The following PARN variants were observed in gnomAD, a reference collection of about 807,000 sequenced individuals.
The protein encoded by PARN is poly(A)-specific ribonuclease, also known as poly(A)-specific ribonuclease PARN.
PARN carries 71 observed loss-of-function variants against 102.8 expected under a neutral mutation model. The ratio of observed to expected loss-of-function variants is 0.69; its 90% CI spans 0.57 to 0.84. The LOEUF (loss-of-function observed/expected upper bound fraction) is 0.84. PARN is among the 40% of genes least tolerant of loss of function. The pLI is 0.00. For missense variants in PARN, 782 were observed against 760.9 expected, an observed-to-expected ratio of 1.03 and a Z score of -0.33; for synonymous variants, 261 against 252.9, an observed-to-expected ratio of 1.03 and a Z score of -0.30.
At chr16:14,611,134 A>C (rs1231008683) in intron 6 of PARN, among the ~76,000 whole-genome samples, 2 of 152,248 alleles carry the variant, frequency 1.3e-5, no homozygotes, top group Non-Finnish European at 2.9e-5. Flanking sequence ...AAGTCAGGGA[A>C]AACCCAAAGG....
chr16:14,468,148 G>T (rs926434884), intron 22 of PARN, among the ~76,000 whole-genome samples: 5 of 152,302 alleles, frequency 3.3e-5, no homozygotes, highest in African/African-American at 9.6e-5. Flanking sequence ...GAGGGAGCAG[G>T]CATTTTGTAA....
At chr16:14,572,367 A>G (rs1411725410) in intron 18 of PARN, among the ~76,000 whole-genome samples, 2 of 152,160 alleles carry the variant, frequency 1.3e-5, no homozygotes, top group Non-Finnish European at 2.9e-5. Context: ...GTCACCCAAA[A>G]TAAGTTGACA....
chr16:14,604,112 T>C (rs1259234622), intron 11 of PARN, 34 bp downstream of exon 11: 2 of 1,272,878 alleles, frequency 1.6e-6, no homozygotes, highest in Admixed American at 1.9e-5. Context: ...TGTTGCCATT[T>C]CTCACCCCCC....
At chr16:14,615,772 G>A (rs561165358) in intron 6 of PARN, among the ~76,000 whole-genome samples, 21 of 152,104 alleles carry the variant, frequency 1.4e-4, no homozygotes, top group Non-Finnish European at 2.8e-4. Flanking sequence ...GTGGTGGCAT[G>A]TGCCTGTGGT....
chr16:14,583,280 C>T (rs1969640702), intron 16 of PARN, among the ~76,000 whole-genome samples: 1 of 152,038 alleles, frequency 6.6e-6, no homozygotes, highest in African/African-American at 2.4e-5. Context: ...TATCCTAGAA[C>T]CATTCTGGAA....
At chr16:14,552,603 G>A (rs1967377916) in intron 20 of PARN, among the ~76,000 whole-genome samples, 3 of 152,116 alleles carry the variant, frequency 2.0e-5, no homozygotes, top group Admixed American at 2.0e-4. Flanking sequence ...AGTGTCCCAA[G>A]TAGCTGGGAC....
Position 14,569,435 on chromosome 16 carries a change from CT to C in PARN, c.1262+11438del, listed in dbSNP as rs538209244. ...TACAGTTGAAAGACTAGAAACCTAG[CT>C]TTGGCAAGACAAATCTCCCGTCTGG... On this transcript the variant is annotated intron_variant, in intron 18 of 23. Transcript: ENST00000437198. 1.1e-3 allele frequency among the ~76,000 whole-genome samples: 160 copies of C among 152,248 alleles called. 1 individual carries two copies. The highest frequency in any genetic ancestry group is 3.8e-3 in the African/African-American group (159 of 41,534).
chr16:14,538,625 A>G (rs1966718462), intron 21 of PARN, among the ~76,000 whole-genome samples: 1 of 152,184 alleles, frequency 6.6e-6, no homozygotes. Flanking sequence ...ATTAAATTAG[A>G]GAGATTTATT....
intron 23 of PARN, among the ~76,000 whole-genome samples, chr16:14,444,848 C>T (rs965124297): frequency 6.6e-6 from 1 of 152,182 alleles, no homozygotes; most frequent in African/African-American, 2.4e-5. Flanking sequence ...GAGACAAGGT[C>T]TCACTGTGTC....
chr16:14,622,085 T>C (rs1972341713), intron 5 of PARN, among the ~76,000 whole-genome samples: 1 of 151,804 alleles, frequency 6.6e-6, no homozygotes, highest in African/African-American at 2.4e-5. Flanking sequence ...CCCAACTACT[T>C]GGGAGGCTGA....
chr16:14,568,235 C>T (rs1302673871), intron 18 of PARN, among the ~76,000 whole-genome samples: 1 of 141,710 alleles, frequency 7.1e-6, no homozygotes, highest in East Asian at 2.0e-4. Context: ...TTTTTTGAGA[C>T]GGAGTCTCGC....
chr16:14,523,872 C>G (rs1171331794), intron 21 of PARN, among the ~76,000 whole-genome samples: 1 of 151,886 alleles, frequency 6.6e-6, no homozygotes, highest in African/African-American at 2.4e-5. Context: ...TGTGTGAACA[C>G]CATAGGGAGC....
At chr16:14,492,207 C>T (rs1944695822) in intron 21 of PARN, among the ~76,000 whole-genome samples, 2 of 152,156 alleles carry the variant, frequency 1.3e-5, no homozygotes, top group Admixed American at 6.5e-5. Context: ...ATCTGAGCCC[C>T]GTAAAGGGGA....
chr16:14,620,303 G>A lies in PARN; in HGVS notation c.328-2653C>T, dbSNP rs574378650. On this transcript the variant is annotated intron_variant, in intron 5 of 23. Transcript: ENST00000437198. Reference sequence around the variant, plus strand: ...GAGGCAGGAGAATGGTGTGAACCAGGGAGGCGGAGCTTGCAGTGAGCTGAG... The same window carrying A: ...GAGGCAGGAGAATGGTGTGAACCAGAGAGGCGGAGCTTGCAGTGAGCTGAG... Among the ~76,000 whole-genome samples, 49 of 152,174 alleles carry A rather than the reference G, an allele frequency of 3.2e-4. No individual in the cohort carries two copies. The East Asian group carries it at 9.3e-3, about 29-fold the overall frequency.
chr16:14,461,713 G>C (rs551727684), intron 22 of PARN, among the ~76,000 whole-genome samples: 1 of 152,240 alleles, frequency 6.6e-6, no homozygotes, highest in African/African-American at 2.4e-5. Context: ...AATTCTACTT[G>C]TTTTGATTTG....
intron 21 of PARN, among the ~76,000 whole-genome samples, chr16:14,493,645 A>G (rs1243428626): frequency 6.6e-6 from 1 of 152,244 alleles, no homozygotes; most frequent in Non-Finnish European, 1.5e-5. Flanking sequence ...AGCAACACCA[A>G]GTAGGCAGGT....
Position 14,436,245 on chromosome 16 carries a change from AT to A in PARN, c.*471del. On this transcript the variant is annotated 3_prime_UTR_variant, in exon 24 of 24. Transcript: ENST00000437198. Reference sequence around the variant, plus strand: ...GGTGGGAAGCAGGGAGGCACAACCGATTTTTCCACTGGGAGACTAACCGAGG... The same window carrying A: ...GGTGGGAAGCAGGGAGGCACAACCGATTTTCCACTGGGAGACTAACCGAGG... 6.4e-6 allele frequency: 1 copy of A among 156,452 alleles called. No individual in the cohort carries two copies. Among genetic ancestry groups the A allele is most frequent in the Non-Finnish European group, 1.4e-5 (1 of 70,738 alleles). The allele number at this position is 156,452 out of a possible 1,614,324, so 9.7% of individuals were successfully genotyped here. A position where few individuals can be genotyped will look rare whatever the true frequency, so the allele number is the denominator to read the frequency against.
intron 21 of PARN, among the ~76,000 whole-genome samples, chr16:14,521,691 G>C (rs899006271): frequency 1.3e-5 from 2 of 151,826 alleles, no homozygotes; most frequent in East Asian, 1.9e-4. Context: ...CCAGCTACAC[G>C]GGAGGGAGGC....
chr16:14,554,237 TA>T, intron 19 of PARN, 86 bp from the exon 20 acceptor site: 1 of 850,334 alleles, frequency 1.2e-6, no homozygotes, highest in Non-Finnish European at 1.9e-6. Context: ...AAGTCTGAGC[TA>T]ATTTGGAGAA....
Sources: gnomAD v4.1 joint callset for allele counts (sites outside exome capture counted in the v4.1 genomes callset) on GRCh38, gnomAD v4.1.1 for gene constraint, MANE v1.5 for transcripts, NCBI Gene and HGNC (gene_info 2026-07-23, HGNC 2026-07-21) for gene names.